Variants in ROR2 observed in about 807,000 individuals in gnomAD.
ROR2 encodes the protein ROR family WNT receptor 2, also known as tyrosine-protein kinase transmembrane receptor ROR2.
Under a neutral mutation model 74.9 loss-of-function variants are expected in ROR2, and 33 were observed. That is an observed-to-expected ratio of 0.44 (90% CI 0.33 to 0.59). The LOEUF (loss-of-function observed/expected upper bound fraction) is 0.59. Among genes scored for constraint, ROR2 ranks in the 20% least tolerant of loss-of-function variants. The pLI is 0.02. For synonymous variants in ROR2, 586 were observed against 558.7 expected, an observed-to-expected ratio of 1.05 and a Z score of -0.69; for missense variants, 1,216 against 1,313.8, an observed-to-expected ratio of 0.93 and a Z score of 1.15.
intron 1 of ROR2, among the ~76,000 whole-genome samples, chr9:91,787,204 A>G (rs546223294): frequency 6.6e-6 from 1 of 152,346 alleles, no homozygotes; most frequent in South Asian, 2.1e-4. Flanking sequence ...GACCCCACAG[A>G]ATCCAGGGTT....
chr9:91,897,950 G>A (rs1236944824), intron 1 of ROR2, among the ~76,000 whole-genome samples: 1 of 152,110 alleles, frequency 6.6e-6, no homozygotes, highest in Non-Finnish European at 1.5e-5. Context: ...TGGAGCCACA[G>A]AAGGTGAGAC....
intron 1 of ROR2, among the ~76,000 whole-genome samples, chr9:91,827,090 C>T (rs1828318782): frequency 6.6e-6 from 1 of 152,106 alleles, no homozygotes; most frequent in Admixed American, 6.5e-5. Flanking sequence ...CACGATTAGA[C>T]TCATTTCATA....
intron 1 of ROR2, among the ~76,000 whole-genome samples, chr9:91,793,010 A>T (rs1315879426): frequency 6.6e-6 from 1 of 152,250 alleles, no homozygotes; most frequent in African/African-American, 2.4e-5. Flanking sequence ...GTTAAGGTCA[A>T]TCCTTCATAG....
chr9:91,869,048 C>T lies in ROR2; in HGVS notation c.97+80819G>A, dbSNP rs1484351927. Among the ~76,000 whole-genome samples, 3 of 152,124 alleles carry T rather than the reference C, an allele frequency of 2.0e-5. No homozygotes were observed. The South Asian group carries it at 6.2e-4, about 32-fold the overall frequency. On this transcript the variant is annotated intron_variant, in intron 1 of 8. Coordinates refer to ENST00000375708, the MANE Select transcript of ROR2 (RefSeq NM_004560.4). ...ACATATGCTCTCACAAAAACCTACA[C>T]GTGAATATATTTTTTTTTTCCTTTT...
chr9:91,949,422 G>T (rs980794543), intron 1 of ROR2, among the ~76,000 whole-genome samples: 4 of 151,926 alleles, frequency 2.6e-5, no homozygotes, highest in Non-Finnish European at 5.9e-5. Flanking sequence ...GGGGTGGGGG[G>T]ACGCTCCGAG....
intron 4 of ROR2, among the ~76,000 whole-genome samples, chr9:91,755,274 C>G (rs80124250): frequency 1.3e-5 from 2 of 152,192 alleles, no homozygotes; most frequent in African/African-American, 2.4e-5. Flanking sequence ...GTAATGGGTA[C>G]AAGGCCCAGG....
At chr9:91,740,572 A>G (rs901270043) in intron 4 of ROR2, among the ~76,000 whole-genome samples, 2 of 149,680 alleles carry the variant, frequency 1.3e-5, no homozygotes, top group Non-Finnish European at 2.9e-5. Flanking sequence ...GGGAATATAT[A>G]TATGTATATA....
chr9:91,935,175 C>G (rs116679995), intron 1 of ROR2, among the ~76,000 whole-genome samples: 1,553 of 152,286 alleles, frequency 0.01, 29 homozygotes, highest in African/African-American at 0.035. Context: ...CAAATCTCCT[C>G]CTTGCACCGC....
intron 1 of ROR2, among the ~76,000 whole-genome samples, chr9:91,880,627 G>A (rs1830082525): frequency 6.6e-6 from 1 of 152,196 alleles, no homozygotes; most frequent in African/African-American, 2.4e-5. Flanking sequence ...CATCAGTTAG[G>A]GGACAAAGTG....
At chr9:91,836,633 C>A (rs1000818523) in intron 1 of ROR2, among the ~76,000 whole-genome samples, 3 of 152,170 alleles carry the variant, frequency 2.0e-5, no homozygotes, top group Non-Finnish European at 4.4e-5. Context: ...TGCGACAACG[C>A]AGCTAACTGC....
At chr9:91,767,905 C>T (rs1365564390) in intron 2 of ROR2, among the ~76,000 whole-genome samples, 1 of 152,208 alleles carries the variant, frequency 6.6e-6, no homozygotes, top group Non-Finnish European at 1.5e-5. Context: ...ATCCCCGCAA[C>T]CCGTGAGTGT....
chr9:91,922,096 ACAG>A (rs1025385506), intron 1 of ROR2, among the ~76,000 whole-genome samples: 4 of 137,828 alleles, frequency 2.9e-5, no homozygotes, highest in East Asian at 4.1e-4. Context: ...AAACCAAACA[ACAG>A]CAACAACAAC....
In ROR2 at chr9:91,946,548, G is replaced by A. The variant is rs1360846748; in HGVS notation, c.97+3319C>T. ...ACCAAAAGGAAAGGCCTGTCATCAA[G>A]GAACCATTTTAGAAGATGGTTATAA... On this transcript the variant is annotated intron_variant, in intron 1 of 8. Coordinates refer to ENST00000375708, the MANE Select transcript of ROR2 (RefSeq NM_004560.4). Among the ~76,000 whole-genome samples the A allele has an allele frequency of 2.0e-5, 3 of 152,240 alleles. No individual in the cohort carries two copies. In the East Asian group the frequency reaches 5.8e-4, roughly 29 times the overall value.
Position 91,756,091 on chromosome 9 carries a change from G to A in ROR2, c.474C>T (p.His158=), listed in dbSNP as rs576012887. The change falls in exon 4 of 9, where the codon CAC becomes CAT. Residue 158 remains histidine, a synonymous_variant. Coordinates refer to ENST00000375708, the MANE Select transcript of ROR2 (RefSeq NM_004560.4). ...GVLFVRLGPT[H]SPNHNFQDDY... ...CTTACTGAAAGTTATGATTTGGGCT[G>A]TGCGTTGGACCTAAAAAGAGGAAAC... is the stretch of plus-strand genomic sequence containing the variant. The A allele has an allele frequency of 8.7e-6, 14 of 1,613,874 alleles. No individual in the cohort carries two copies. The highest frequency in any genetic ancestry group is 1.7e-5 in the Admixed American group (1 of 60,006).
chr9:91,840,620 C>T (rs896621478), intron 1 of ROR2, among the ~76,000 whole-genome samples: 4 of 152,224 alleles, frequency 2.6e-5, no homozygotes, highest in African/African-American at 7.2e-5. Context: ...ACAACAGCAC[C>T]GCCCATACTT....
intron 1 of ROR2, among the ~76,000 whole-genome samples, chr9:91,839,672 G>A (rs1587770675): frequency 6.7e-6 from 1 of 149,756 alleles, no homozygotes; most frequent in African/African-American, 2.5e-5. Flanking sequence ...ACATGTTTGT[G>A]CATATGGTGT....
At chr9:91,787,884 C>T (rs1308952600) in intron 1 of ROR2, among the ~76,000 whole-genome samples, 1 of 152,186 alleles carries the variant, frequency 6.6e-6, no homozygotes, top group Non-Finnish European at 1.5e-5. Context: ...ATCAGCACCA[C>T]ATGCTAACCA....
At chr9:91,773,493 C>A (rs2118923408) in intron 2 of ROR2, among the ~76,000 whole-genome samples, 1 of 152,362 alleles carries the variant, frequency 6.6e-6, no homozygotes, top group East Asian at 1.9e-4. Context: ...CCCAGGGCTG[C>A]CCCATGAACT....
Position 91,757,137 on chromosome 9 carries a change from C to T in ROR2, c.463+135G>A, listed in dbSNP as rs987448579. The T allele has an allele frequency of 3.5e-6, 4 of 1,151,174 alleles. No homozygotes were observed. The African/African-American group carries it at 6.1e-5, about 17-fold the overall frequency. The allele number at this position is 1,151,174 out of a possible 1,614,324, so 71.3% of individuals were successfully genotyped here. On this transcript the variant is annotated intron_variant, in intron 3 of 8. Coordinates refer to ENST00000375708, the MANE Select transcript of ROR2 (RefSeq NM_004560.4). ...GGGCCCTGGGGCACATGGGGAAGGC[C>T]CTAGGGAACGGTTTCATTGCTCTCC...
Sources: gnomAD v4.1 joint callset for allele counts (sites outside exome capture counted in the v4.1 genomes callset) on GRCh38, gnomAD v4.1.1 for gene constraint, MANE v1.5 for transcripts, NCBI Gene and HGNC (gene_info 2026-07-23, HGNC 2026-07-21) for gene names.